FBXO32: variants seen among roughly 807,000 people sequenced by gnomAD.
The protein encoded by FBXO32 is F-box only protein 32.
In FBXO32, 15 loss-of-function variants were observed where a neutral mutation model predicts 48.3. That is an observed-to-expected ratio of 0.31 (90% CI 0.21 to 0.48). The LOEUF is 0.48. FBXO32 is among the 20% of genes least tolerant of loss of function. FBXO32 has a pLI of 0.99. For missense variants in FBXO32, 309 were observed against 432.7 expected, an observed-to-expected ratio of 0.71 and a Z score of 2.54; for synonymous variants, 154 against 165.9, an observed-to-expected ratio of 0.93 and a Z score of 0.55.
At chr8:123,534,132 A>C (rs1189792154) in intron 2 of FBXO32, among the ~76,000 whole-genome samples, 1 of 151,798 alleles carries the variant, frequency 6.6e-6, no homozygotes, top group African/African-American at 2.4e-5. Flanking sequence ...CAAAAAAAAA[A>C]AAAACACCCC....
Position 123,510,727 on chromosome 8 carries a change from TC to T in FBXO32, c.651+2470del, listed in dbSNP as rs544785941. ...ACTCAGGCAGGCAATGGGAGGAGAC[TC>T]CCTTTCAACCATTCATTCATTCAGC... is the stretch of plus-strand genomic sequence containing the variant. On this transcript the variant is annotated intron_variant, in intron 6 of 8. Coordinates refer to ENST00000517956, the MANE Select transcript of FBXO32 (RefSeq NM_058229.4). 4.6e-3 allele frequency among the ~76,000 whole-genome samples: 697 copies of T among 152,344 alleles called. 8 individuals carry two copies. Among genetic ancestry groups the T allele is most frequent in the Non-Finnish European group, 7.9e-3 (536 of 68,030 alleles).
chr8:123,508,588 C>T (rs1816676524), intron 6 of FBXO32, among the ~76,000 whole-genome samples: 1 of 152,198 alleles, frequency 6.6e-6, no homozygotes, highest in African/African-American at 2.4e-5. Context: ...ATTTATACCG[C>T]TCGGTTCTAC....
chr8:123,498,818 A>G lies in FBXO32; in HGVS notation c.*4555T>C, dbSNP rs1396846361. The stretch of plus-strand genomic sequence containing the variant: ...ATTGTCAAAATATGCTGCTTTCTTT[A>G]TAGCAAGCAGGTTGTACTCACTGGA... On this transcript the variant is annotated 3_prime_UTR_variant, in exon 9 of 9. Transcript: ENST00000517956. 1.3e-5 allele frequency: 2 copies of G among 152,232 alleles called. No individual in the cohort carries two copies. The highest frequency in any genetic ancestry group is 2.4e-5 in the African/African-American group (1 of 41,460). The allele number at this position is 152,232 out of a possible 1,614,324, so 9.4% of individuals were successfully genotyped here.
At chr8:123,534,212 G>T (rs1010607088) in intron 2 of FBXO32, among the ~76,000 whole-genome samples, 7 of 150,742 alleles carry the variant, frequency 4.6e-5, no homozygotes, top group Non-Finnish European at 1.0e-4. Context: ...AAATCAAACA[G>T]ATAACATGAG....
intron 6 of FBXO32, among the ~76,000 whole-genome samples, chr8:123,509,366 TTCTC>T (rs994987368): frequency 3.9e-5 from 6 of 152,064 alleles, no homozygotes; most frequent in African/African-American, 1.4e-4. Context: ...TCTTTTTTCT[TTCTC>T]TCTCTCTCAA....
Position 123,537,208 on chromosome 8 carries a change from C to T in FBXO32, c.117-2394G>A, listed in dbSNP as rs571568328. On this transcript the variant is annotated intron_variant, in intron 1 of 8. Coordinates refer to ENST00000517956, the MANE Select transcript of FBXO32 (RefSeq NM_058229.4). ...CAACTGAAATTTTTAACAAGAAAAACCACCACCATTTAGGAATTGGAGCAC... is the reference window on the plus strand; with the variant it reads ...CAACTGAAATTTTTAACAAGAAAAATCACCACCATTTAGGAATTGGAGCAC... Among the ~76,000 whole-genome samples the T allele has an allele frequency of 3.3e-5, 5 of 151,494 alleles. No individual in the cohort carries two copies. The South Asian group carries it at 1.0e-3, about 32-fold the overall frequency.
In FBXO32 at chr8:123,500,588, T is replaced by C. The variant is rs1816461207; in HGVS notation, c.*2785A>G. The C allele has an allele frequency of 6.6e-6, 1 of 152,252 alleles. No individual in the cohort carries two copies. The highest frequency in any genetic ancestry group is 2.1e-4 in the South Asian group (1 of 4,834). The allele number at this position is 152,252 out of a possible 1,614,324, so 9.4% of individuals were successfully genotyped here. On this transcript the variant is annotated 3_prime_UTR_variant, in exon 9 of 9. Transcript: ENST00000517956. Reference sequence around the variant, plus strand: ...TATTGTTCAAAGAGCAAGAATTGTCTTAACTCTCTTCACTTATATGTGAGG... The same window carrying C: ...TATTGTTCAAAGAGCAAGAATTGTCCTAACTCTCTTCACTTATATGTGAGG...
Position 123,525,199 on chromosome 8 carries a change from A to C in FBXO32, c.372+6699T>G, listed in dbSNP as rs774717972. Among the ~76,000 whole-genome samples the C allele has an allele frequency of 1.3e-5, 2 of 152,230 alleles. No individual in the cohort carries two copies. The highest frequency in any genetic ancestry group is 2.9e-5 in the Non-Finnish European group (2 of 68,032). On this transcript the variant is annotated intron_variant, in intron 4 of 8. Transcript: ENST00000517956. The surrounding 1 kb of genome is among the most constrained non-coding windows in gnomAD (Gnocchi z 4.3). ...ATGCTTTCAGGGGTGGTAGGAATGC[A>C]GTAACTTGCTGGAAACATTCAAATG...
At chr8:123,539,962 CG>C (rs1817379386) in intron 1 of FBXO32, among the ~76,000 whole-genome samples, 1 of 152,204 alleles carries the variant, frequency 6.6e-6, no homozygotes, top group Non-Finnish European at 1.5e-5. Flanking sequence ...AGTCAACTGT[CG>C]AGGTCAGGGG....
At chr8:123,507,054 C>G (rs971985076) in intron 6 of FBXO32, among the ~76,000 whole-genome samples, 5 of 152,124 alleles carry the variant, frequency 3.3e-5, no homozygotes, top group Non-Finnish European at 7.4e-5. Context: ...CTTCGCCTCC[C>G]CAGTCTTCTC....
intron 4 of FBXO32, chr8:123,527,268 T>C (rs1037296735): frequency 1.3e-5 from 2 of 152,180 alleles, no homozygotes; most frequent in African/African-American, 4.8e-5. Flanking sequence ...GAGAAAATAA[T>C]ACAGGTTTTG....
At chr8:123,538,262 A>T (rs1377113037) in intron 1 of FBXO32, among the ~76,000 whole-genome samples, 1 of 152,010 alleles carries the variant, frequency 6.6e-6, no homozygotes, top group African/African-American at 2.4e-5. Flanking sequence ...CTGTGTGGAC[A>T]AGACTTGGTC....
intron 4 of FBXO32, among the ~76,000 whole-genome samples, chr8:123,526,820 T>C (rs763666796): frequency 1.3e-5 from 2 of 152,206 alleles, no homozygotes; most frequent in Non-Finnish European, 2.9e-5. Context: ...TAATGCATAC[T>C]TCTCAGGCTA....
chr8:123,540,870 G>C lies in FBXO32; in HGVS notation c.116+29C>G. On this transcript the variant is annotated intron_variant, in intron 1 of 8. Transcript: ENST00000517956. This position sits in a 1 kb window ranked among gnomAD's most constrained non-coding sequence, Gnocchi z 6.4. ...GACCAGCCCGGGTCAGTTTCGCGGG[G>C]GCTGGAAGTTGGTAGCGGGTCCCCT... The C allele has an allele frequency of 6.3e-7, 1 of 1,581,608 alleles. No homozygotes were observed. The highest frequency in any genetic ancestry group is 2.3e-5 in the East Asian group (1 of 44,052).
chr8:123,513,371 G>C lies in FBXO32; in HGVS notation c.478C>G (p.Gln160Glu). ...EKVVLKVLEDQQNIRLIRELL... is the reference protein window; with the variant it reads ...EKVVLKVLEDEQNIRLIRELL... ...TCCCTTATTAGTCTAATGTTTTGCT[G>C]GTCTTCAAGGACTTGAGTAGGGAAG... The change falls in exon 6 of 9, where the codon CAG (glutamine) becomes GAG (glutamate). Residue 160 changes from glutamine to glutamate, a missense_variant. Gln to Glu is a conservative substitution (Grantham distance 29). Transcript: ENST00000517956. The surrounding 1 kb of genome is among the most constrained non-coding windows in gnomAD (Gnocchi z 4.3). The C allele has an allele frequency of 6.2e-7, 1 of 1,613,610 alleles. No individual in the cohort carries two copies. The highest frequency in any genetic ancestry group is 8.5e-7 in the Non-Finnish European group (1 of 1,179,648).
At chr8:123,519,499 T>A (rs1269372250) in intron 4 of FBXO32, among the ~76,000 whole-genome samples, 2 of 138,634 alleles carry the variant, frequency 1.4e-5, no homozygotes, top group Non-Finnish European at 3.0e-5. Flanking sequence ...TGCAGTGAGC[T>A]GAGATCACAC....
intron 4 of FBXO32, among the ~76,000 whole-genome samples, chr8:123,520,017 A>C (rs1363440816): frequency 1.3e-5 from 2 of 152,118 alleles, no homozygotes; most frequent in Non-Finnish European, 2.9e-5. Context: ...TGAGCTCCTG[A>C]CCTCAGGTGA....
chr8:123,504,856 G>T, intron 7 of FBXO32, 109 bp from the exon 8 acceptor site: 2 of 1,035,204 alleles, frequency 1.9e-6, no homozygotes, highest in East Asian at 5.2e-5. Context: ...CCTCTTTTCA[G>T]CTCTACAATA....
At chr8:123,515,722 G>A (rs566621234) in intron 4 of FBXO32, among the ~76,000 whole-genome samples, 86 of 152,158 alleles carry the variant, frequency 5.7e-4, no homozygotes, top group Admixed American at 1.8e-3. Flanking sequence ...GGCCAGGTGC[G>A]GTGGCTCATG....
Sources: allele counts gnomAD v4.1 joint callset (sites outside exome capture counted in the v4.1 genomes callset), GRCh38; gene constraint gnomAD v4.1.1; non-coding constraint Gnocchi (gnomAD v3.1); transcripts MANE v1.5; gene names NCBI Gene and HGNC (gene_info 2026-07-23, HGNC 2026-07-21).